CSGALNACT1: variants seen among roughly 807,000 people sequenced by gnomAD.
CSGALNACT1 encodes chondroitin sulfate N-acetylgalactosaminyltransferase 1, also known as beta4GalNAcT-1.
A neutral mutation model predicts 51.0 loss-of-function variants in CSGALNACT1; 52 were observed. That is an observed-to-expected ratio of 1.02 (90% CI 0.82 to 1.29). The LOEUF is 1.29. Among genes scored for constraint, CSGALNACT1 ranks in the 50% most tolerant of loss-of-function variants. The pLI is 0.00. For synonymous variants in CSGALNACT1, 341 were observed against 254.4 expected (o/e 1.34, Z -3.24); for missense variants, 935 against 679.2 (o/e 1.38, Z -4.19).
intron 3 of CSGALNACT1, among the ~76,000 whole-genome samples, chr8:19,511,706 G>A (rs1380944266): frequency 1.3e-5 from 2 of 152,238 alleles, no homozygotes; most frequent in East Asian, 1.9e-4. Context: ...GTGAGTGACT[G>A]TATTAGTCTG....
chr8:19,599,070 G>A (rs2049633972), intron 2 of CSGALNACT1, among the ~76,000 whole-genome samples: 1 of 151,956 alleles, frequency 6.6e-6, no homozygotes, highest in South Asian at 2.1e-4. Flanking sequence ...CAGCTGGGGA[G>A]GAGTGAGCAG....
Position 19,461,760 on chromosome 8 carries a change from G to GGGGGCGTATCCGCAC in CSGALNACT1, c.635-3119_635-3118insGTGCGGATACGCCCC, listed in dbSNP as rs1563528920. On this transcript the variant is annotated intron_variant, in intron 4 of 9. Coordinates refer to ENST00000454498, the Ensembl canonical transcript of CSGALNACT1. The stretch of plus-strand genomic sequence containing the variant: ...CCGCACAGCGGCCACATTCACCATG[G>GGGGGCGTATCCGCAC]AGGGCGTATCTGCACAGCAGCCACA... Among the ~76,000 whole-genome samples, 110 of 151,076 alleles carry GGGGGCGTATCCGCAC rather than the reference G, an allele frequency of 7.3e-4. 44 individuals carry two copies. The highest frequency in any genetic ancestry group is 1.2e-3 in the Non-Finnish European group (83 of 67,604).
intron 3 of CSGALNACT1, among the ~76,000 whole-genome samples, chr8:19,538,821 A>AC (rs1010072683): frequency 5.9e-5 from 9 of 151,982 alleles, no homozygotes; most frequent in Non-Finnish European, 1.0e-4. Flanking sequence ...CTTCCTAGAT[A>AC]CCCCTGCCCC....
intron 3 of CSGALNACT1, among the ~76,000 whole-genome samples, chr8:19,584,724 C>A (rs889642520): frequency 3.9e-5 from 6 of 152,186 alleles, no homozygotes; most frequent in Non-Finnish European, 7.4e-5. Context: ...AGAATGACTG[C>A]TGACAGCTGC....
In CSGALNACT1 at chr8:19,757,021, G is replaced by T. The variant is rs192458675; in HGVS notation, c.-297+829C>A. The stretch of plus-strand genomic sequence containing the variant: ...GGGCCCCCGGCGGGCAGCGGCGGAG[G>T]GAGGCCAGGCGCGGCACCGTCCTCC... On this transcript the variant is annotated intron_variant, in intron 1 of 1. Coordinates refer to the CSGALNACT1 transcript ENST00000517494. This position sits in a 1 kb window ranked among gnomAD's most constrained non-coding sequence, Gnocchi z 4.0. Among the ~76,000 whole-genome samples the T allele has an allele frequency of 1.3e-5, 2 of 150,938 alleles. No homozygotes were observed. The highest frequency in any genetic ancestry group is 3.0e-5 in the Non-Finnish European group (2 of 67,628).
intron 4 of CSGALNACT1, among the ~76,000 whole-genome samples, chr8:19,469,207 C>G (rs1287296392): frequency 6.6e-6 from 1 of 152,068 alleles, no homozygotes; most frequent in Non-Finnish European, 1.5e-5. Context: ...CTGGGAAACA[C>G]AGCAAGACCT....
In CSGALNACT1 at chr8:19,553,117, C is replaced by G. The variant is rs145474651; in HGVS notation, c.-297+38043G>C. 6.4e-3 allele frequency among the ~76,000 whole-genome samples: 976 copies of G among 152,220 alleles called. 13 individuals are homozygous for G. Among genetic ancestry groups the G allele is most frequent in the African/African-American group, 0.022 (932 of 41,526 alleles). On this transcript the variant is annotated intron_variant, in intron 3 of 9. Coordinates refer to ENST00000454498, the Ensembl canonical transcript of CSGALNACT1. ...TTTGAGCCTGGCCTCACACAAGAATCAATTCCAGACAGACAGAAGACCTCT... is the reference window on the plus strand; with the variant it reads ...TTTGAGCCTGGCCTCACACAAGAATGAATTCCAGACAGACAGAAGACCTCT...
upstream of CSGALNACT1, among the ~76,000 whole-genome samples, chr8:19,686,643 T>C (rs998064317): frequency 2.0e-5 from 3 of 152,176 alleles, no homozygotes; most frequent in African/African-American, 4.8e-5. Flanking sequence ...ATTGGCCACA[T>C]AGAACTTCAA....
intron 1 of CSGALNACT1, among the ~76,000 whole-genome samples, chr8:19,712,237 G>A (rs559870424): frequency 6.6e-6 from 1 of 152,182 alleles, no homozygotes; most frequent in African/African-American, 2.4e-5. Flanking sequence ...ATGTTAGCCA[G>A]GATGGTCTCG....
intron 8 of CSGALNACT1, 60 bp from the exon 8 acceptor site, chr8:19,408,754 C>T: frequency 6.7e-7 from 1 of 1,485,048 alleles, no homozygotes. Flanking sequence ...ATAGAGTGTT[C>T]ACAAACTCCT....
At chr8:19,467,814 G>A (rs1213261766) in intron 4 of CSGALNACT1, among the ~76,000 whole-genome samples, 1 of 152,014 alleles carries the variant, frequency 6.6e-6, no homozygotes, top group Non-Finnish European at 1.5e-5. Flanking sequence ...GTGAAATCCT[G>A]TCTCCACAAA....
At chr8:19,668,423 A>G (rs2059551236) in intron 1 of CSGALNACT1, among the ~76,000 whole-genome samples, 2 of 152,238 alleles carry the variant, frequency 1.3e-5, no homozygotes, top group South Asian at 4.1e-4. Flanking sequence ...AGAATTTAAA[A>G]ACTAAAAAAT....
At chr8:19,756,975 C>T (rs1375110581) in intron 1 of CSGALNACT1, among the ~76,000 whole-genome samples, 1 of 130,022 alleles carries the variant, frequency 7.7e-6, no homozygotes, top group Non-Finnish European at 1.7e-5. Flanking sequence ...CAAGCCGGTC[C>T]CCGGCCCCTG....
intron 4 of CSGALNACT1, among the ~76,000 whole-genome samples, chr8:19,461,910 C>A (rs1003988293): frequency 6.6e-6 from 1 of 151,520 alleles, no homozygotes; most frequent in South Asian, 2.1e-4. Context: ...GAGGGTGTAT[C>A]CGCACAGCAC....
At chr8:19,426,465 G>A (rs1324681278) in intron 6 of CSGALNACT1, among the ~76,000 whole-genome samples, 2 of 152,200 alleles carry the variant, frequency 1.3e-5, no homozygotes, top group African/African-American at 4.8e-5. Flanking sequence ...AATGTTTAGT[G>A]TTACCCTAAA....
intron 1 of CSGALNACT1, among the ~76,000 whole-genome samples, chr8:19,671,967 G>A (rs1428675706): frequency 1.3e-5 from 2 of 152,104 alleles, no homozygotes; most frequent in Non-Finnish European, 2.9e-5. Flanking sequence ...ACTCATTGGG[G>A]CAGTTAGATG....
intron 3 of CSGALNACT1, among the ~76,000 whole-genome samples, chr8:19,585,783 T>C (rs767203323): frequency 3.9e-5 from 6 of 152,204 alleles, no homozygotes; most frequent in Non-Finnish European, 7.3e-5. Flanking sequence ...ACCTCCATGT[T>C]ACCAAATTAT....
chr8:19,755,812 T>C (rs546761358), intron 1 of CSGALNACT1, among the ~76,000 whole-genome samples: 1 of 152,294 alleles, frequency 6.6e-6, no homozygotes, highest in African/African-American at 2.4e-5. Context: ...CACACAAAGA[T>C]GAACAGGATT....
rs185675059 is a variant in CSGALNACT1 at position 19,482,857 on chromosome 8, T to C, written c.634+22344A>G. On this transcript the variant is annotated intron_variant, in intron 4 of 9. Transcript: ENST00000454498. ...CAACTGTCTTGGCCCTCTCCCTTTA[T>C]GTGTCCCAGAGACAGCTCAAAGTCA... is the stretch of plus-strand genomic sequence containing the variant. 2.4e-4 allele frequency among the ~76,000 whole-genome samples: 37 copies of C among 152,274 alleles called. 1 individual carries two copies. The highest frequency in any genetic ancestry group is 6.5e-4 in the Admixed American group (10 of 15,300).
Sources: gnomAD v4.1 joint callset for allele counts (sites outside exome capture counted in the v4.1 genomes callset) on GRCh38, gnomAD v4.1.1 for gene constraint, Gnocchi (gnomAD v3.1) non-coding constraint, MANE v1.5 for transcripts, NCBI Gene and HGNC (gene_info 2026-07-23, HGNC 2026-07-21) for gene names.